Variants in DLGAP2 observed in about 807,000 individuals in gnomAD.
DLGAP2 encodes disks large-associated protein 2.
A neutral mutation model predicts 100.3 loss-of-function variants in DLGAP2; 26 were observed. The ratio of observed to expected loss-of-function variants is 0.26; its 90% CI spans 0.19 to 0.36. DLGAP2 has a LOEUF of 0.36. DLGAP2 is among the 10% of genes least tolerant of loss of function. The pLI is 1.00. For missense variants in DLGAP2, 1,858 were observed against 1,453.2 expected, an observed-to-expected ratio of 1.28 and a Z score of -4.53; for synonymous variants, 886 against 630.1, an observed-to-expected ratio of 1.41 and a Z score of -6.08.
intron 2 of DLGAP2, among the ~76,000 whole-genome samples, chr8:1,071,268 C>G (rs1365708023): frequency 1.3e-5 from 2 of 152,210 alleles, no homozygotes; most frequent in African/African-American, 4.8e-5. Flanking sequence ...CACTTGTCAC[C>G]TTTTTCTTGT....
intron 4 of DLGAP2, among the ~76,000 whole-genome samples, chr8:1,543,575 A>C (rs1007003838): frequency 6.6e-6 from 1 of 152,164 alleles, no homozygotes; most frequent in Non-Finnish European, 1.5e-5. Context: ...CCTTTTGATT[A>C]CTATCACTTT....
chr8:950,087 G>C (rs951584164), intron 2 of DLGAP2, among the ~76,000 whole-genome samples: 1 of 152,194 alleles, frequency 6.6e-6, no homozygotes, highest in Non-Finnish European at 1.5e-5. Flanking sequence ...GGCAGCACCT[G>C]CCTTGGTGCC....
chr8:1,198,962 ATACCAGT>A (rs1183201029), intron 2 of DLGAP2, among the ~76,000 whole-genome samples: 6 of 152,244 alleles, frequency 3.9e-5, no homozygotes, highest in African/African-American at 7.2e-5. Flanking sequence ...GGCAAGGGCT[ATACCAGT>A]TGTGGATGAA....
chr8:1,150,096 G>GT (rs1184694389), intron 2 of DLGAP2, among the ~76,000 whole-genome samples: 4 of 152,092 alleles, frequency 2.6e-5, no homozygotes, highest in Non-Finnish European at 4.4e-5. Context: ...TTATTTCCTT[G>GT]TTTTTTCTGG....
At chr8:948,358 G>C (rs1247369998) in intron 2 of DLGAP2, among the ~76,000 whole-genome samples, 1 of 152,210 alleles carries the variant, frequency 6.6e-6, no homozygotes, top group Non-Finnish European at 1.5e-5. Context: ...AAGGAAGAAA[G>C]AGGAAGTAAG....
chr8:1,053,339 T>C (rs1056491600), intron 2 of DLGAP2, among the ~76,000 whole-genome samples: 2 of 152,012 alleles, frequency 1.3e-5, no homozygotes, highest in Non-Finnish European at 1.5e-5. Context: ...TGGGGGAACA[T>C]AGAATGAAGT....
Position 1,491,368 on chromosome 8 carries a change from C to CCAGAGGCTTCGGGCCGCTCCCCCTGACCT in DLGAP2, c.107-9997_107-9996insAGAGGCTTCGGGCCGCTCCCCCTGACCTC, listed in dbSNP as rs1563180275. Among the ~76,000 whole-genome samples the CCAGAGGCTTCGGGCCGCTCCCCCTGACCT allele has an allele frequency of 1.0e-4, 4 of 39,620 alleles. No homozygotes were observed. The East Asian group carries it at 2.7e-3, about 27-fold the overall frequency. The allele number at this position is 39,620 out of a possible 152,430, so 26.0% of individuals were successfully genotyped here. A position where few individuals can be genotyped will look rare whatever the true frequency, so the allele number is the denominator to read the frequency against. On this transcript the variant is annotated intron_variant, in intron 3 of 14. Transcript: ENST00000637795. ...AGGCTTCGGGCCGCTCCCCCTGACC[C>CCAGAGGCTTCGGGCCGCTCCCCCTGACCT]CGGAGGCTTCGGGCTGCTCCCCCTG...
intron 4 of DLGAP2, among the ~76,000 whole-genome samples, chr8:1,504,966 T>C (rs1344468816): frequency 6.6e-6 from 1 of 151,160 alleles, no homozygotes; most frequent in African/African-American, 2.4e-5. Context: ...ATAAAACATA[T>C]GAAAGGATAA....
chr8:794,854 T>C (rs908270491), intron 1 of DLGAP2, among the ~76,000 whole-genome samples: 1 of 151,994 alleles, frequency 6.6e-6, no homozygotes, highest in Non-Finnish European at 1.5e-5. Context: ...ATGAACTGTT[T>C]GCTGGCCTGT....
At chr8:1,251,410 G>C (rs1799037594) in intron 2 of DLGAP2, among the ~76,000 whole-genome samples, 1 of 152,170 alleles carries the variant, frequency 6.6e-6, no homozygotes, top group Admixed American at 6.5e-5. Context: ...CATTTGAGCA[G>C]ATAAGATTCC....
chr8:1,522,938 A>G (rs7009907), intron 4 of DLGAP2, among the ~76,000 whole-genome samples: 105,405 of 152,074 alleles, frequency 0.69, 37,051 homozygotes, highest in South Asian at 0.82. Context: ...CCTGGGTGAC[A>G]GATGTATATG....
At chr8:1,182,446 G>C (rs2116705594) in intron 2 of DLGAP2, among the ~76,000 whole-genome samples, 1 of 152,180 alleles carries the variant, frequency 6.6e-6, no homozygotes, top group East Asian at 1.9e-4. Context: ...TGTGATGTCT[G>C]CATGAGATGT....
chr8:965,805 G>T (rs1006364611), intron 2 of DLGAP2, among the ~76,000 whole-genome samples: 10 of 149,102 alleles, frequency 6.7e-5, no homozygotes, highest in African/African-American at 2.2e-4. Context: ...GGGCTCCTGA[G>T]TCTGACCCCT....
At chr8:1,225,825 A>G (rs888537240) in intron 2 of DLGAP2, among the ~76,000 whole-genome samples, 1 of 152,336 alleles carries the variant, frequency 6.6e-6, no homozygotes, top group South Asian at 2.1e-4. Context: ...ATAAATCAAA[A>G]TTGCTAAGGA....
intron 2 of DLGAP2, among the ~76,000 whole-genome samples, chr8:1,214,551 T>C (rs992536567): frequency 6.6e-6 from 1 of 152,064 alleles, no homozygotes; most frequent in Non-Finnish European, 1.5e-5. Context: ...ATCCCAGGAG[T>C]GGAGTAACCT....
rs867998365 is a variant in DLGAP2, at chr8:1,317,366, G to A, written c.106+58483G>A. Among the ~76,000 whole-genome samples, 32 of 112,914 alleles carry A rather than the reference G, an allele frequency of 2.8e-4. 2 individuals are homozygous for A. Among genetic ancestry groups the A allele is most frequent in the African/African-American group, 1.0e-3 (30 of 30,074 alleles). The allele number at this position is 112,914 out of a possible 152,430, so 74.1% of individuals were successfully genotyped here. On this transcript the variant is annotated intron_variant, in intron 3 of 14. Coordinates refer to ENST00000637795, the MANE Select transcript of DLGAP2 (RefSeq NM_001346810.2). ...ACAGTGGTCTACACTCGAGAAACTC[G>A]GCAGCTTTTAAAAATAGAGCCTGTG... is the stretch of plus-strand genomic sequence containing the variant.
At chr8:1,334,169 G>C (rs1178093027) in intron 3 of DLGAP2, among the ~76,000 whole-genome samples, 1 of 152,236 alleles carries the variant, frequency 6.6e-6, no homozygotes, top group Admixed American at 6.5e-5. Context: ...TGGACATTCT[G>C]ATGGGCTGCC....
chr8:752,135 C>T (rs1040384880), intron 1 of DLGAP2, among the ~76,000 whole-genome samples: 2 of 152,346 alleles, frequency 1.3e-5, no homozygotes, highest in East Asian at 3.9e-4. Flanking sequence ...GCTGGGTTGC[C>T]TGCACCCCCT....
chr8:1,310,482 A>T (rs891123323), intron 3 of DLGAP2, among the ~76,000 whole-genome samples: 2 of 152,222 alleles, frequency 1.3e-5, no homozygotes, highest in Non-Finnish European at 2.9e-5. Flanking sequence ...GAAGATTAAT[A>T]AACATGGGGT....
Sources: allele counts gnomAD v4.1 joint callset (sites outside exome capture counted in the v4.1 genomes callset), GRCh38; gene constraint gnomAD v4.1.1; transcripts MANE v1.5; gene names NCBI Gene and HGNC (gene_info 2026-07-23, HGNC 2026-07-21).